DNAH7: variants seen among roughly 807,000 people sequenced by gnomAD.
DNAH7 encodes axonemal beta dynein heavy chain 7.
DNAH7 carries 397 observed loss-of-function variants against 444.6 expected under a neutral mutation model. That is an observed-to-expected ratio of 0.89 (90% CI 0.82 to 0.97). DNAH7 has a LOEUF of 0.97. Among genes scored for constraint, DNAH7 ranks in the 50% least tolerant of loss-of-function variants. DNAH7 has a pLI of 0.00. For synonymous variants in DNAH7, 1,636 were observed against 1,624.4 expected, an observed-to-expected ratio of 1.01 and a Z score of -0.17; for missense variants, 4,902 against 4,800.8, an observed-to-expected ratio of 1.02 and a Z score of -0.62.
At chr2:195,925,418 G>A (rs921485720) in intron 22 of DNAH7, among the ~76,000 whole-genome samples, 1 of 152,074 alleles carries the variant, frequency 6.6e-6, no homozygotes, top group Non-Finnish European at 1.5e-5. Context: ...GAGGAAAAAG[G>A]AAAAATACAC....
chr2:196,019,114 A>C (rs536108075), intron 9 of DNAH7, 56 bp downstream of exon 9: 2 of 1,363,844 alleles, frequency 1.5e-6, no homozygotes, highest in African/African-American at 3.0e-5. Flanking sequence ...ATTAAGATAT[A>C]GTAAAACAAC....
chr2:195,760,887 A>G (rs1287148230), intron 61 of DNAH7, among the ~76,000 whole-genome samples: 1 of 152,164 alleles, frequency 6.6e-6, no homozygotes. Context: ...ATACTGACAA[A>G]CATCCACAAG....
rs1700199864 is a variant in DNAH7, at chr2:195,864,449, TTGAG to T, written c.7202_7205del (p.Thr2401LysfsTer15). 3.1e-6 allele frequency: 5 copies of T among 1,614,218 alleles called. No individual in the cohort carries two copies. The East Asian group carries it at 1.1e-4, about 36-fold the overall frequency. On this transcript the variant is annotated frameshift_variant, in exon 41 of 65. Transcript: ENST00000312428. LOFTEE classifies it high-confidence loss of function. ...CTTCCAGAAAAGACTCTTCTTTAAT[TTGAG>T]TATCTGTAAACAGGAAGACACCCTG...
intron 63 of DNAH7, among the ~76,000 whole-genome samples, chr2:195,742,784 T>G (rs1693122235): frequency 1.3e-5 from 2 of 152,252 alleles, no homozygotes; most frequent in African/African-American, 4.8e-5. Flanking sequence ...AACTGGTGAC[T>G]GAGTCACCTA....
chr2:195,897,652 A>T lies in DNAH7; in HGVS notation c.4647+15T>A, dbSNP rs1369998979. ...TATAAGAGTTTTGATGCATTGGGATAATGAATGTTCTTACCTCAAAGAGTG... is the reference window on the plus strand; with the variant it reads ...TATAAGAGTTTTGATGCATTGGGATTATGAATGTTCTTACCTCAAAGAGTG... On this transcript the variant is annotated intron_variant, in intron 29 of 64. Transcript: ENST00000312428. 1 of 1,447,442 alleles carries T rather than the reference A, an allele frequency of 6.9e-7. No homozygotes were observed. The highest frequency in any genetic ancestry group is 2.3e-5 in the East Asian group (1 of 43,982). 89.7% of individuals were successfully genotyped at this position (1,447,442 alleles called of 1,614,324 possible).
chr2:195,932,704 T>G (rs958907449), intron 21 of DNAH7, among the ~76,000 whole-genome samples: 5 of 152,206 alleles, frequency 3.3e-5, no homozygotes, highest in African/African-American at 1.2e-4. Context: ...TGGTTCTGTT[T>G]ATATGCTGGA....
chr2:195,946,225 G>T (rs1689794948), intron 19 of DNAH7, among the ~76,000 whole-genome samples: 1 of 150,466 alleles, frequency 6.6e-6, no homozygotes, highest in South Asian at 2.1e-4. Context: ...GCTATGGCAG[G>T]CAGATGAAAA....
At chr2:196,033,296 A>T (rs1602156) in intron 5 of DNAH7, among the ~76,000 whole-genome samples, 2,751 of 152,292 alleles carry the variant, frequency 0.018, 77 homozygotes, top group African/African-American at 0.062. Flanking sequence ...AATACTTAAC[A>T]CTTTGTGTGG....
At position 195,907,828 on chromosome 2, in the gene DNAH7, C is replaced by T. The variant is rs543600003; in HGVS notation, c.4105-819G>A. ...AACCACACTGGATTGTACACGAACT[C>T]TATGGATGTCAAAGAATAGTACATT... On this transcript the variant is annotated intron_variant, in intron 25 of 64. Transcript: ENST00000312428. 1.3e-4 allele frequency among the ~76,000 whole-genome samples: 20 copies of T among 152,196 alleles called. No homozygotes were observed. The South Asian group carries it at 2.9e-3, about 22-fold the overall frequency.
intron 40 of DNAH7, among the ~76,000 whole-genome samples, chr2:195,867,237 C>T (rs906660262): frequency 6.6e-6 from 1 of 152,106 alleles, no homozygotes; most frequent in Admixed American, 6.5e-5. Flanking sequence ...CCCTCATGCT[C>T]ACTACTGTTG....
At chr2:195,988,852 T>C (rs902630148) in intron 12 of DNAH7, among the ~76,000 whole-genome samples, 3 of 152,148 alleles carry the variant, frequency 2.0e-5, no homozygotes, top group African/African-American at 7.2e-5. Flanking sequence ...TTGCTACCCT[T>C]CCTAGCCTCT....
At chr2:195,763,161 CATG>C (rs1282974154) in intron 61 of DNAH7, among the ~76,000 whole-genome samples, 1 of 152,036 alleles carries the variant, frequency 6.6e-6, no homozygotes, top group African/African-American at 2.4e-5. Context: ...TCTTGAAACA[CATG>C]ATAATGGAAA....
chr2:196,066,684 A>C (rs1698446382), intron 1 of DNAH7, among the ~76,000 whole-genome samples: 1 of 152,222 alleles, frequency 6.6e-6, no homozygotes, highest in African/African-American at 2.4e-5. Context: ...AAAAGCCCAG[A>C]CTGCTATTCC....
At chr2:195,967,603 G>C (rs1574908455) in intron 17 of DNAH7, among the ~76,000 whole-genome samples, 1 of 133,008 alleles carries the variant, frequency 7.5e-6, no homozygotes, top group Non-Finnish European at 1.5e-5. Context: ...ATGTTTGAAG[G>C]GTATTTTCAT....
At chr2:196,013,915 A>T (rs1391740053) in intron 9 of DNAH7, among the ~76,000 whole-genome samples, 1 of 152,228 alleles carries the variant, frequency 6.6e-6, no homozygotes, top group East Asian at 1.9e-4. Context: ...AGCACTGAAT[A>T]AGTAGTAGTT....
chr2:195,863,318 T>C (rs952815576), intron 41 of DNAH7, among the ~76,000 whole-genome samples: 11 of 152,206 alleles, frequency 7.2e-5, no homozygotes, highest in African/African-American at 2.7e-4. Flanking sequence ...CAAAACCCAC[T>C]CACGGGATCT....
chr2:196,021,837 A>G (rs910176976), intron 8 of DNAH7, among the ~76,000 whole-genome samples: 3 of 151,732 alleles, frequency 2.0e-5, no homozygotes, highest in African/African-American at 7.3e-5. Flanking sequence ...TTACAAATGA[A>G]AAAAGGAATC....
chr2:196,006,666 A>G (rs999060921), intron 10 of DNAH7, among the ~76,000 whole-genome samples: 1 of 152,068 alleles, frequency 6.6e-6, no homozygotes, highest in Admixed American at 6.5e-5. Context: ...ATCCACACGC[A>G]AAAACCATTA....
At chr2:195,856,103 G>T in intron 44 of DNAH7, 112 bp from the exon 45 acceptor site, 1 of 955,572 alleles carries the variant, frequency 1.0e-6, no homozygotes, top group Non-Finnish European at 1.5e-6. Context: ...ACTTCTTTAT[G>T]CAAAAATCTA....
Sources: allele counts gnomAD v4.1 joint callset (sites outside exome capture counted in the v4.1 genomes callset), GRCh38; gene constraint gnomAD v4.1.1; transcripts MANE v1.5; gene names NCBI Gene and HGNC (gene_info 2026-07-23, HGNC 2026-07-21).